NEB: variants seen among roughly 807,000 people sequenced by gnomAD.
NEB encodes the protein nemaline myopathy type 2.
Under a neutral mutation model 952.2 loss-of-function variants are expected in NEB, and 512 were observed. That is an observed-to-expected ratio of 0.54 (90% CI 0.50 to 0.58). NEB has a LOEUF of 0.58. Among genes scored for constraint, NEB ranks in the 20% least tolerant of loss-of-function variants. The pLI, the probability that NEB is intolerant of heterozygous loss-of-function variation, is 0.00. For synonymous variants in NEB, 2,900 were observed against 3,149.8 expected (o/e 0.92, Z 2.66); for missense variants, 8,428 against 9,231.1 (o/e 0.91, Z 3.56).
At chr2:151,591,205 AG>A in intron 96 of NEB, 142 bp downstream of exon 96, 1 of 561,498 alleles carries the variant, frequency 1.8e-6, no homozygotes, top group Non-Finnish European at 3.3e-6. Context: ...AGATTGTAAG[AG>A]TTGTTCTTGA....
intron 45 of NEB, among the ~76,000 whole-genome samples, chr2:151,663,259 G>A (rs970443815): frequency 6.6e-6 from 1 of 152,114 alleles, no homozygotes; most frequent in African/African-American, 2.4e-5. Flanking sequence ...ATCTTTGCTA[G>A]ACATATTCCT....
intron 146 of NEB, among the ~76,000 whole-genome samples, 180 bp downstream of exon 146, chr2:151,529,030 T>C (rs559295305): frequency 1.1e-4 from 16 of 152,318 alleles, no homozygotes; most frequent in South Asian, 2.1e-4. Context: ...CCTATGCTCC[T>C]TTGTGAGGAC....
At chr2:151,563,024 T>C (rs1472329969) in intron 119 of NEB, among the ~76,000 whole-genome samples, 1 of 139,834 alleles carries the variant, frequency 7.2e-6, no homozygotes, top group Non-Finnish European at 1.5e-5. Context: ...TTTTTTTTTT[T>C]TTTTTTTTGA....
At chr2:151,679,638 G>A (rs1373628436) in intron 32 of NEB, 83 bp downstream of exon 32, 1 of 914,990 alleles carries the variant, frequency 1.1e-6, no homozygotes, top group East Asian at 2.5e-5. Context: ...CTGCATGCAT[G>A]GAGACTTTTG....
At position 151,505,499 on chromosome 2, in the gene NEB, C is replaced by G; in HGVS notation, c.23721G>C (p.Glu7907Asp). 6.2e-7 allele frequency: 1 copy of G among 1,613,658 alleles called. No homozygotes were observed. Among genetic ancestry groups the G allele is most frequent in the South Asian group, 1.1e-5 (1 of 91,024 alleles). The change falls in exon 165 of 182, where the codon GAG becomes GAC. Residue 7907 changes from glutamate (E) to aspartate (D), a missense_variant. Physicochemically the swap from Glu to Asp is conservative, Grantham distance 45. This residue lies in a region of NEB where 3,374 missense variants were observed against 3,651.5 expected (regional missense o/e 0.92). Coordinates refer to ENST00000397345, the MANE Select transcript of NEB (RefSeq NM_001164508.2). ...PDLPEVKRVK[E>D]TQKHISSVMY... is the part of the protein sequence containing the mutation. ...CTACCGAGCTAATGTGCTTCTGCGT[C>G]TCCTTCACACGTTTCACTTCAGGCA...
chr2:151,529,534 AT>A (rs202085388), intron 145 of NEB, among the ~76,000 whole-genome samples: 5,429 of 144,674 alleles, frequency 0.038, 139 homozygotes, highest in African/African-American at 0.075. Flanking sequence ...TTGCCATATA[AT>A]TTTTTTTTTT....
intron 40 of NEB, 42 bp from the exon 41 acceptor site, chr2:151,666,443 A>G: frequency 2.5e-6 from 4 of 1,577,026 alleles, no homozygotes; most frequent in African/African-American, 1.4e-5. Flanking sequence ...GCTAGCATAG[A>G]AGTCTGATAT....
intron 153 of NEB, among the ~76,000 whole-genome samples, chr2:151,522,133 T>C (rs2082364513): frequency 2.0e-5 from 3 of 152,206 alleles, no homozygotes; most frequent in Non-Finnish European, 2.9e-5. Context: ...GGATGTAGTA[T>C]AGGAAAGTGA....
In NEB at chr2:151,612,332, AGCCAATG is replaced by A. The variant is rs756331897; in HGVS notation, c.11652_11658del (p.Ile3885LeufsTer2). The A allele has an allele frequency of 6.2e-7, 1 of 1,613,842 alleles. No individual in the cohort carries two copies. The highest frequency in any genetic ancestry group is 8.5e-7 in the Non-Finnish European group (1 of 1,179,830). ...CTCTTCACTTTCTCGACCTCTACAG[AGCCAATG>A]GGAACCCATCCTATGCCTCTCAGCC... On this transcript the variant is annotated frameshift_variant, in exon 78 of 182. Transcript: ENST00000397345. LOFTEE classifies it high-confidence loss of function.
In NEB at chr2:151,570,095, C is replaced by T. The variant is rs748311158; in HGVS notation, c.17416G>A (p.Glu5806Lys). 3.1e-6 allele frequency: 5 copies of T among 1,608,542 alleles called. No individual in the cohort carries two copies. Among genetic ancestry groups the T allele is most frequent in the Admixed American group, 3.4e-5 (2 of 59,266 alleles). Residue 5806 changes from glutamate (E) to lysine (K), a missense_variant, in exon 109 of 182, where the codon GAA becomes AAA. Physicochemically the swap from Glu to Lys is moderately conservative, Grantham distance 56. Transcript: ENST00000397345. ...AGCCCACTCACATCGCTCTGCAGTT[C>T]GTAGGCCTTCTTGGCCTGAATCACA... ...NDVIQAKKAY[E>K]LQSDNVYKAD...
rs573344158 is a variant in NEB at position 151,659,663 on chromosome 2, A to G, written c.5971-494T>C. Among the ~76,000 whole-genome samples, 6 of 151,796 alleles carry G rather than the reference A, an allele frequency of 4.0e-5. No homozygotes were observed. In the South Asian group the frequency reaches 1.2e-3, roughly 31 times the overall value. On this transcript the variant is annotated intron_variant, in intron 46 of 181. Transcript: ENST00000397345. ...ATACAGCAGGGAGGATGTAAGATGGAAAGTAAAAATGTTTTTTCCCCTTAT... is the reference window on the plus strand; with the variant it reads ...ATACAGCAGGGAGGATGTAAGATGGGAAGTAAAAATGTTTTTTCCCCTTAT...
chr2:151,675,380 C>T lies in NEB; in HGVS notation c.3786G>A (p.Lys1262=), dbSNP rs112229327. 4 of 1,570,746 alleles carry T rather than the reference C, an allele frequency of 2.5e-6. No homozygotes were observed. Among genetic ancestry groups the T allele is most frequent in the African/African-American group, 1.3e-5 (1 of 74,280 alleles). Residue 1262 remains lysine (K), a synonymous_variant, in exon 35 of 182, where the codon AAG becomes AAA. Coordinates refer to ENST00000397345, the MANE Select transcript of NEB (RefSeq NM_001164508.2). ...NTKQVSDILY[K]AKGEDVKHKY... ...TATGTTTCACATCTTCTCCTTTAGC[C>T]TTGTATAAGATCTGCAATAAAATGC...
chr2:151,537,201 G>A lies in NEB; in HGVS notation c.21138C>T (p.Gly7046=). ...KYKEDLTWLK[G]IGCYAYDTPD... Reference sequence around the variant, plus strand: ...GGGTATCATAGGCATAGCAACCAATGCCTTTAAGCCAAGTCAAGTCTTCTT... The same window carrying A: ...GGGTATCATAGGCATAGCAACCAATACCTTTAAGCCAAGTCAAGTCTTCTT... Residue 7046 remains glycine, a synonymous_variant, in exon 141 of 182, where the codon GGC becomes GGT. Transcript: ENST00000397345. 1 of 1,612,934 alleles carries A rather than the reference G, an allele frequency of 6.2e-7. No homozygotes were observed. Among genetic ancestry groups the A allele is most frequent in the Middle Eastern group, 1.7e-4 (1 of 6,056 alleles).
At chr2:151,672,317 T>C in intron 37 of NEB, 52 bp downstream of exon 37, 1 of 1,468,350 alleles carries the variant, frequency 6.8e-7, no homozygotes, top group Non-Finnish European at 9.2e-7. Flanking sequence ...AAGCGAGAAG[T>C]GATCATCCTT....
chr2:151,581,452 T>C (rs1227242766), intron 103 of NEB, 31 bp downstream of exon 103: 4 of 628,486 alleles, frequency 6.4e-6, no homozygotes, highest in Non-Finnish European at 1.0e-5. Flanking sequence ...CAGAGAGCAC[T>C]GTGAAAAGCA....
intron 128 of NEB, 74 bp downstream of exon 128, chr2:151,552,598 G>A: frequency 9.5e-7 from 1 of 1,056,978 alleles, no homozygotes; most frequent in African/African-American, 1.6e-5. Context: ...CCCAGTCTAT[G>A]GTTTTTGCCA....
At chr2:151,533,297 AT>A in intron 143 of NEB, 144 bp downstream of exon 143, 1 of 603,480 alleles carries the variant, frequency 1.7e-6, no homozygotes, top group Non-Finnish European at 2.9e-6. Context: ...TTCAGAGATC[AT>A]TTACAAGGAA....
At chr2:151,533,606 G>T in intron 142 of NEB, 60 bp from the exon 143 acceptor site, 1 of 1,073,916 alleles carries the variant, frequency 9.3e-7, no homozygotes, top group Non-Finnish European at 1.4e-6. Context: ...AAAGAACACG[G>T]CTCTATATCC....
At chr2:151,609,439 A>G (rs1347452727) in intron 81 of NEB, among the ~76,000 whole-genome samples, 3 of 152,254 alleles carry the variant, frequency 2.0e-5, no homozygotes, top group East Asian at 3.9e-4. Flanking sequence ...ATTCCATAAT[A>G]TAATTATTTG....
Sources: allele counts gnomAD v4.1 joint callset (sites outside exome capture counted in the v4.1 genomes callset), GRCh38; gene constraint gnomAD v4.1.1; regional missense constraint gnomAD v4.1.1; transcripts MANE v1.5; gene names NCBI Gene and HGNC (gene_info 2026-07-23, HGNC 2026-07-21).